The following ORC4 variants were observed in gnomAD, a reference collection of about 807,000 sequenced individuals.
The protein encoded by ORC4 is origin recognition complex, subunit 4 homolog.
A neutral mutation model predicts 63.9 loss-of-function variants in ORC4; 55 were observed. That is an observed-to-expected ratio of 0.86 (90% CI 0.69 to 1.08). The LOEUF (loss-of-function observed/expected upper bound fraction) is 1.08. Ranked by LOEUF, ORC4 falls within the 50% of genes least tolerant of loss-of-function variation. ORC4 has a pLI of 0.00. For synonymous variants in ORC4, 150 were observed against 168.5 expected, an observed-to-expected ratio of 0.89 and a Z score of 0.85; for missense variants, 511 against 504.4, an observed-to-expected ratio of 1.01 and a Z score of -0.13.
chr2:147,987,633 C>T (rs936366207), intron 1 of ORC4, among the ~76,000 whole-genome samples: 1 of 151,996 alleles, frequency 6.6e-6, no homozygotes, highest in Non-Finnish European at 1.5e-5. Context: ...CAGGTGTGAA[C>T]ATGTCCGATT....
intron 4 of ORC4, chr2:147,960,237 CTTACT>C (rs1689513153): frequency 1.0e-6 from 1 of 984,966 alleles, no homozygotes; most frequent in African/African-American, 1.7e-5. Context: ...TTCCACTCAA[CTTACT>C]TTAAACACCA....
chr2:147,931,729 A>C lies in ORC4; in HGVS notation c.*3781T>G, dbSNP rs1687750486. 1 of 152,172 alleles carries C rather than the reference A, an allele frequency of 6.6e-6. No homozygotes were observed. The highest frequency in any genetic ancestry group is 2.1e-4 in the South Asian group (1 of 4,832). 9.4% of individuals were successfully genotyped at this position (152,172 alleles called of 1,614,324 possible). On this transcript the variant is annotated 3_prime_UTR_variant, in exon 14 of 14. Transcript: ENST00000392857. ...AACACATGATTATCTCAATAGATGC[A>C]GAAAAAGCCTTTGACAAAATTCAAC...
chr2:147,947,393 C>T (rs1213158033), intron 9 of ORC4, among the ~76,000 whole-genome samples: 1 of 152,006 alleles, frequency 6.6e-6, no homozygotes, highest in Non-Finnish European at 1.5e-5. Flanking sequence ...TCTTTGCCAA[C>T]TGAAACTTTT....
chr2:147,986,043 C>A (rs1050297050), intron 1 of ORC4, among the ~76,000 whole-genome samples: 1 of 152,128 alleles, frequency 6.6e-6, no homozygotes, highest in African/African-American at 2.4e-5. Flanking sequence ...ATGTTCAATA[C>A]CAACAATTCA....
At chr2:147,992,565 CT>C (rs1412870336) in intron 1 of ORC4, among the ~76,000 whole-genome samples, 4 of 152,184 alleles carry the variant, frequency 2.6e-5, no homozygotes, top group Admixed American at 2.0e-4. Flanking sequence ...CAGAACTGTA[CT>C]TTCTTGCAAT....
At chr2:148,002,797 C>A (rs1692396286) in intron 1 of ORC4, among the ~76,000 whole-genome samples, 1 of 151,980 alleles carries the variant, frequency 6.6e-6, no homozygotes, top group African/African-American at 2.4e-5. Context: ...ACACAAAAAC[C>A]CCCTCAAAAA....
At chr2:148,005,669 A>C (rs1263454475) in intron 1 of ORC4, among the ~76,000 whole-genome samples, 1 of 148,974 alleles carries the variant, frequency 6.7e-6, no homozygotes, top group South Asian at 2.1e-4. Context: ...AAAAAAAAAA[A>C]AAAAAAAAAA....
intron 1 of ORC4, among the ~76,000 whole-genome samples, chr2:147,983,033 A>G (rs776804955): frequency 3.9e-5 from 6 of 152,204 alleles, no homozygotes; most frequent in Non-Finnish European, 8.8e-5. Context: ...GTAAGATACC[A>G]CCACACACTG....
intron 1 of ORC4, among the ~76,000 whole-genome samples, chr2:148,016,008 GAAGAACTCAACGT>G (rs1479716821): frequency 6.6e-6 from 1 of 152,140 alleles, no homozygotes. Context: ...AGAAGTTGCT[GAAGAACTCAACGT>G]AAGAACTCAA....
chr2:148,007,902 A>C (rs796436079), intron 1 of ORC4, among the ~76,000 whole-genome samples: 4 of 152,316 alleles, frequency 2.6e-5, no homozygotes, highest in African/African-American at 9.6e-5. Flanking sequence ...TACAGGCCAG[A>C]AGAGAGTAGG....
At chr2:147,962,893 C>A (rs1368306052) in intron 4 of ORC4, among the ~76,000 whole-genome samples, 1 of 152,138 alleles carries the variant, frequency 6.6e-6, no homozygotes, top group Non-Finnish European at 1.5e-5. Context: ...CCCTGGCAGG[C>A]ATGCCCCCAG....
intron 4 of ORC4, among the ~76,000 whole-genome samples, chr2:147,971,032 G>A (rs144915910): frequency 1.5e-4 from 23 of 152,218 alleles, no homozygotes; most frequent in Non-Finnish European, 3.4e-4. Flanking sequence ...ATGTACTCAG[G>A]AGGCTGAGGT....
Position 147,973,442 on chromosome 2 carries a change from A to C in ORC4, c.134+6T>G, listed in dbSNP as rs1386765940. The C allele has an allele frequency of 6.4e-7, 1 of 1,565,906 alleles. No individual in the cohort carries two copies. The highest frequency in any genetic ancestry group is 1.7e-5 in the Admixed American group (1 of 59,932). On this transcript the variant is annotated splice_donor_region_variant and intron_variant, in intron 3 of 13. Transcript: ENST00000392857. ...CCATAACAGTCAAGAGGACAGCTAG[A>C]CTTACTTGTATTGTACTTGCACTCC...
rs1304933553 is a variant in ORC4, at chr2:147,975,948, C to T, written c.11G>A (p.Arg4His). The T allele has an allele frequency of 1.1e-5, 17 of 1,584,628 alleles. No homozygotes were observed. The highest frequency in any genetic ancestry group is 4.5e-5 in the East Asian group (2 of 44,598). MSS[R>H]KSKSNSLIHT... is the part of the protein sequence containing the mutation. Reference sequence around the variant, plus strand: ...AATTAAGCTGTTACTCTTTGATTTACGACTGCTCATTTCAACAAATTCAAA... The same window carrying T: ...AATTAAGCTGTTACTCTTTGATTTATGACTGCTCATTTCAACAAATTCAAA... The change falls in exon 2 of 14, where the codon CGT becomes CAT. Residue 4 changes from arginine (R) to histidine (H), a missense_variant. Physicochemically the swap from Arg to His is conservative, Grantham distance 29. Coordinates refer to ENST00000392857, the MANE Select transcript of ORC4 (RefSeq NM_181741.4).
intron 4 of ORC4, among the ~76,000 whole-genome samples, chr2:147,971,227 AAAAT>A (rs969119925): frequency 2.0e-5 from 3 of 151,966 alleles, no homozygotes; most frequent in South Asian, 2.1e-4. Flanking sequence ...TCCCATCTCA[AAAAT>A]AAATAAATAA....
intron 4 of ORC4, among the ~76,000 whole-genome samples, chr2:147,971,670 T>C (rs1690219075): frequency 6.6e-6 from 1 of 151,796 alleles, no homozygotes; most frequent in Non-Finnish European, 1.5e-5. Context: ...CTACCCAAAA[T>C]AACAGTGAAT....
chr2:147,978,474 T>C (rs1022272268), intron 1 of ORC4, among the ~76,000 whole-genome samples: 10 of 152,350 alleles, frequency 6.6e-5, no homozygotes, highest in African/African-American at 2.4e-4. Flanking sequence ...CAGTATTTAA[T>C]GCAGGACCAA....
At position 147,931,139 on chromosome 2, in the gene ORC4, GAAT is replaced by G. The variant is rs1428564079; in HGVS notation, c.*4368_*4370del. 1 of 149,810 alleles carries G rather than the reference GAAT, an allele frequency of 6.7e-6. No homozygotes were observed. The highest frequency in any genetic ancestry group is 2.5e-5 in the African/African-American group (1 of 40,502). 9.3% of individuals were successfully genotyped at this position (149,810 alleles called of 1,614,324 possible). On this transcript the variant is annotated 3_prime_UTR_variant, in exon 14 of 14. Coordinates refer to ENST00000392857, the MANE Select transcript of ORC4 (RefSeq NM_181741.4). ...TTTTGTTCTTGTGATAGTTTACTGA[GAAT>G]GATGATTTCCAATTTCATCCATGTC...
intron 5 of ORC4, 58 bp from the exon 6 acceptor site, chr2:147,958,441 C>A: frequency 2.3e-6 from 3 of 1,283,288 alleles, no homozygotes; most frequent in African/African-American, 1.5e-5. Context: ...TTTGATACAG[C>A]AGGTTGTTTT....
Sources: allele counts gnomAD v4.1 joint callset (sites outside exome capture counted in the v4.1 genomes callset), GRCh38; gene constraint gnomAD v4.1.1; transcripts MANE v1.5; gene names NCBI Gene and HGNC (gene_info 2026-07-23, HGNC 2026-07-21).